Variants in MCTP2 observed in about 807,000 individuals in gnomAD.
MCTP2 encodes multiple C2 and transmembrane domain containing 2, also known as multiple C2 and transmembrane domain-containing protein 2.
In MCTP2, 132 loss-of-function variants were observed where a neutral mutation model predicts 111.6. That is an observed-to-expected ratio of 1.18 (90% CI 1.03 to 1.37). The LOEUF (loss-of-function observed/expected upper bound fraction) is 1.37, where lower values mean the gene tolerates loss of function less well. Ranked by LOEUF, MCTP2 falls within the 40% of genes most tolerant of loss-of-function variation. MCTP2 has a pLI of 0.00. For synonymous variants in MCTP2, 395 were observed against 387.7 expected, an observed-to-expected ratio of 1.02 and a Z score of -0.22; for missense variants, 1,183 against 1,067.9, an observed-to-expected ratio of 1.11 and a Z score of -1.50.
chr15:94,407,186 A>AT (rs2081943964), intron 17 of MCTP2, among the ~76,000 whole-genome samples: 1 of 152,268 alleles, frequency 6.6e-6, no homozygotes, highest in East Asian at 1.9e-4. Flanking sequence ...TCCTAAAGTT[A>AT]TATTATTATA....
intron 8 of MCTP2, among the ~76,000 whole-genome samples, chr15:94,352,783 A>G (rs1252004890): frequency 6.6e-6 from 1 of 152,226 alleles, no homozygotes; most frequent in Non-Finnish European, 1.5e-5. Context: ...GGGTGTTTGA[A>G]GAGCACAAAA....
At chr15:94,311,435 T>C (rs905913386) in intron 2 of MCTP2, among the ~76,000 whole-genome samples, 3 of 152,152 alleles carry the variant, frequency 2.0e-5, no homozygotes, top group African/African-American at 7.2e-5. Context: ...GTGATGTAGT[T>C]TCTAGGTTTA....
intron 4 of MCTP2, among the ~76,000 whole-genome samples, chr15:94,333,444 C>CAAAA (rs139357513): frequency 1.3e-5 from 2 of 148,470 alleles, no homozygotes; most frequent in African/African-American, 4.9e-5. Context: ...TGAGTTATAT[C>CAAAA]AAAAAAAAAG....
intron 1 of MCTP2, among the ~76,000 whole-genome samples, chr15:94,235,360 G>A (rs2070468616): frequency 6.6e-6 from 1 of 152,040 alleles, no homozygotes; most frequent in Non-Finnish European, 1.5e-5. Context: ...TGTTAGAAAT[G>A]CACGTTCTCA....
chr15:94,254,260 T>G (rs2152271804), intron 1 of MCTP2, among the ~76,000 whole-genome samples: 1 of 152,344 alleles, frequency 6.6e-6, no homozygotes, highest in East Asian at 1.9e-4. Flanking sequence ...TTTTAAATTC[T>G]TATTTTAGAA....
rs1450089366 is a variant in MCTP2, at chr15:94,243,926, CATAT to C, written c.-66+12263_-66+12266del. Among the ~76,000 whole-genome samples the C allele has an allele frequency of 4.2e-5, 6 of 141,438 alleles. No homozygotes were observed. In the East Asian group the frequency reaches 6.4e-4, roughly 15 times the overall value. The allele number at this position is 141,438 out of a possible 152,430, so 92.8% of individuals were successfully genotyped here. ...ACATACATATGTGTATATATTTACA[CATAT>C]GTGTACACATACATATATGTGTATA... On this transcript the variant is annotated intron_variant, in intron 1 of 22. Coordinates refer to ENST00000357742, the MANE Select transcript of MCTP2 (RefSeq NM_001385001.1).
chr15:94,361,437 G>A (rs1487294520), intron 10 of MCTP2, among the ~76,000 whole-genome samples: 1 of 152,072 alleles, frequency 6.6e-6, no homozygotes, highest in Non-Finnish European at 1.5e-5. Flanking sequence ...GCTAATTGTG[G>A]GACTTGGACA....
At chr15:94,456,251 G>A (rs1204324103) in intron 19 of MCTP2, among the ~76,000 whole-genome samples, 3 of 152,144 alleles carry the variant, frequency 2.0e-5, no homozygotes, top group Non-Finnish European at 4.4e-5. Context: ...CAGGACTCAT[G>A]AGCATCGTTA....
intron 1 of MCTP2, among the ~76,000 whole-genome samples, chr15:94,244,025 GTA>G (rs2071436247): frequency 7.1e-6 from 1 of 140,140 alleles, no homozygotes; most frequent in East Asian, 2.2e-4. Context: ...ATACACATAC[GTA>G]TGTGTATATA....
Position 94,264,657 on chromosome 15 carries a change from G to A in MCTP2, c.-66+32993G>A, listed in dbSNP as rs1036669992. On this transcript the variant is annotated intron_variant, in intron 1 of 22. Transcript: ENST00000357742. ...TACTTGAAATGTCAGTCATTGATAA[G>A]ATAATATGTATTTAAGGTATTTAAT... Among the ~76,000 whole-genome samples, 18 of 152,090 alleles carry A rather than the reference G, an allele frequency of 1.2e-4. No homozygotes were observed. The East Asian group carries it at 3.5e-3, about 29-fold the overall frequency.
intron 17 of MCTP2, chr15:94,402,994 G>T: frequency 1.0e-6 from 1 of 995,044 alleles, no homozygotes; most frequent in Non-Finnish European, 1.2e-6. Context: ...AAAAATGGGG[G>T]AAAAAAAACA....
At chr15:94,244,268 A>G (rs1453033655) in intron 1 of MCTP2, among the ~76,000 whole-genome samples, 5 of 145,508 alleles carry the variant, frequency 3.4e-5, no homozygotes, top group Non-Finnish European at 6.1e-5. Flanking sequence ...ATATATTTAT[A>G]TACACACATA....
intron 12 of MCTP2, among the ~76,000 whole-genome samples, chr15:94,381,168 A>G (rs1247832301): frequency 6.6e-6 from 1 of 152,248 alleles, no homozygotes; most frequent in Non-Finnish European, 1.5e-5. Flanking sequence ...TTCATTTATT[A>G]TGAGAGATAC....
At chr15:94,345,678 A>G (rs999388023) in intron 8 of MCTP2, among the ~76,000 whole-genome samples, 1 of 152,238 alleles carries the variant, frequency 6.6e-6, no homozygotes, top group African/African-American at 2.4e-5. Context: ...AAGCAATTAT[A>G]CATTTCTGTC....
chr15:94,402,937 A>T (rs1280247976), intron 17 of MCTP2: 1 of 1,050,990 alleles, frequency 9.5e-7, no homozygotes, highest in African/African-American at 1.7e-5. Context: ...TCTACTGCCA[A>T]TATATGCTGA....
At chr15:94,270,332 C>G (rs1013924265) in intron 1 of MCTP2, among the ~76,000 whole-genome samples, 1 of 152,140 alleles carries the variant, frequency 6.6e-6, no homozygotes, top group African/African-American at 2.4e-5. Context: ...GTAAAATTAC[C>G]TATTGTATAA....
intron 1 of MCTP2, among the ~76,000 whole-genome samples, chr15:94,284,019 A>G (rs1326972806): frequency 6.6e-6 from 1 of 152,220 alleles, no homozygotes; most frequent in African/African-American, 2.4e-5. Flanking sequence ...ATGTTGCACA[A>G]TGGGAACTCA....
At chr15:94,460,869 G>A (rs185559447) in intron 20 of MCTP2, among the ~76,000 whole-genome samples, 153 of 152,318 alleles carry the variant, frequency 1.0e-3, no homozygotes, top group African/African-American at 3.6e-3. Context: ...AGTCCCTGCT[G>A]GGCATTCAAG....
At chr15:94,464,572 A>G (rs920182101) in intron 20 of MCTP2, among the ~76,000 whole-genome samples, 2 of 151,498 alleles carry the variant, frequency 1.3e-5, no homozygotes. Context: ...CTACTCGTAT[A>G]TTTTTCTAAC....
Sources: gnomAD v4.1 joint callset for allele counts (sites outside exome capture counted in the v4.1 genomes callset) on GRCh38, gnomAD v4.1.1 for gene constraint, MANE v1.5 for transcripts, NCBI Gene and HGNC (gene_info 2026-07-23, HGNC 2026-07-21) for gene names.